Variants in SARAF observed in about 807,000 individuals in gnomAD.
SARAF encodes the protein store-operated calcium entry-associated regulatory factor.
Under a neutral mutation model 39.7 loss-of-function variants are expected in SARAF, and 23 were observed. The ratio of observed to expected loss-of-function variants is 0.58; its 90% CI spans 0.42 to 0.82. The LOEUF (loss-of-function observed/expected upper bound fraction) is 0.82, where lower values mean the gene tolerates loss of function less well. Ranked by LOEUF, SARAF falls within the 40% of genes least tolerant of loss-of-function variation. The pLI is 0.00. For synonymous variants in SARAF, 175 were observed against 168.5 expected, an observed-to-expected ratio of 1.04 and a Z score of -0.30; for missense variants, 384 against 418.5, an observed-to-expected ratio of 0.92 and a Z score of 0.72.
intron 1 of SARAF, 92 bp from the exon 2 acceptor site, chr8:30,074,147 C>G (rs779125917): frequency 8.6e-5 from 118 of 1,375,022 alleles, no homozygotes; most frequent in Admixed American, 1.8e-4. Flanking sequence ...ATAGGAAATG[C>G]CTTTCTTGCC....
chr8:30,066,667 G>T, intron 4 of SARAF, 110 bp downstream of exon 4: 1 of 1,342,142 alleles, frequency 7.5e-7, no homozygotes. Context: ...TATTTAATAG[G>T]CTAACGTCAC....
At chr8:30,080,113 T>A (rs531640058) in intron 1 of SARAF, among the ~76,000 whole-genome samples, 8 of 152,306 alleles carry the variant, frequency 5.3e-5, no homozygotes, top group Admixed American at 1.3e-4. Context: ...CTACATCTGA[T>A]CCTTCAGAAG....
Position 30,071,533 on chromosome 8 carries a change from T to C in SARAF, c.283-1474A>G, listed in dbSNP as rs534636704. Among the ~76,000 whole-genome samples, 6 of 152,376 alleles carry C rather than the reference T, an allele frequency of 3.9e-5. No homozygotes were observed. The East Asian group carries it at 9.6e-4, about 24-fold the overall frequency. On this transcript the variant is annotated intron_variant, in intron 2 of 5. Transcript: ENST00000256255. Reference sequence around the variant, plus strand: ...TTCACCCATTTCAATGGTTTTAGTATATTCACAGTTGTGCTACTGTCACCA... The same window carrying C: ...TTCACCCATTTCAATGGTTTTAGTACATTCACAGTTGTGCTACTGTCACCA...
At chr8:30,068,529 T>C (rs1025977166) in intron 3 of SARAF, among the ~76,000 whole-genome samples, 1 of 152,176 alleles carries the variant, frequency 6.6e-6, no homozygotes, top group Non-Finnish European at 1.5e-5. Flanking sequence ...ATAAATGTAA[T>C]ATGCTTTAAT....
chr8:30,064,122 A>T (rs1471792330), intron 5 of SARAF, among the ~76,000 whole-genome samples: 1 of 152,144 alleles, frequency 6.6e-6, no homozygotes, highest in African/African-American at 2.4e-5. Flanking sequence ...ACACTCACAC[A>T]TGGTTGCTGG....
At chr8:30,074,373 GTTAA>G (rs1355980602) in intron 1 of SARAF, among the ~76,000 whole-genome samples, 1 of 152,144 alleles carries the variant, frequency 6.6e-6, no homozygotes, top group Non-Finnish European at 1.5e-5. Context: ...AATAATAGTG[GTTAA>G]TTAAAATGGC....
intron 1 of SARAF, among the ~76,000 whole-genome samples, chr8:30,082,062 A>G (rs1274013124): frequency 1.3e-5 from 2 of 152,078 alleles, no homozygotes; most frequent in Non-Finnish European, 2.9e-5. Context: ...TCTCATAAAG[A>G]CGCGGTGGCT....
intron 3 of SARAF, among the ~76,000 whole-genome samples, chr8:30,069,341 T>C (rs1801774907): frequency 6.6e-6 from 1 of 152,000 alleles, no homozygotes; most frequent in Non-Finnish European, 1.5e-5. Flanking sequence ...CGTTTTACCA[T>C]CTTGGCCAGG....
Position 30,082,923 on chromosome 8 carries a change from C to A in SARAF, c.27G>T (p.Ala9=), listed in dbSNP as rs1480549745. 2.6e-6 allele frequency: 4 copies of A among 1,549,848 alleles called. No individual in the cohort carries two copies. Among genetic ancestry groups the A allele is most frequent in the African/African-American group, 1.4e-5 (1 of 72,056 alleles). The change falls in exon 1 of 6, where the codon GCG becomes GCT. Residue 9 remains alanine, a synonymous_variant. Transcript: ENST00000256255. The part of the protein sequence containing the change: MAAACGPG[A]AGYCLLLGLH... ...AGCCGAGGAGCAAGCAGTACCCGGC[C>A]GCTCCCGGCCCGCAGGCTGCGGCCA...
At chr8:30,064,548 TATATATATA>T (rs1264297467) in intron 5 of SARAF, among the ~76,000 whole-genome samples, 7 of 47,678 alleles carry the variant, frequency 1.5e-4, no homozygotes, top group East Asian at 5.1e-4. Context: ...TATATATATA[TATATATATA>T]TATATTTTTT....
chr8:30,069,354 G>T (rs960157625), intron 3 of SARAF, among the ~76,000 whole-genome samples: 11 of 151,872 alleles, frequency 7.2e-5, no homozygotes, highest in Non-Finnish European at 1.5e-4. Flanking sequence ...TGGCCAGGCT[G>T]GTCTCAAACT....
intron 1 of SARAF, among the ~76,000 whole-genome samples, chr8:30,076,344 T>C (rs1221803716): frequency 6.6e-6 from 1 of 152,192 alleles, no homozygotes; most frequent in Non-Finnish European, 1.5e-5. Context: ...CCTTGTCCTC[T>C]GTGGGAGACT....
intron 1 of SARAF, among the ~76,000 whole-genome samples, chr8:30,076,443 T>A (rs1384800873): frequency 6.6e-6 from 1 of 152,182 alleles, no homozygotes; most frequent in African/African-American, 2.4e-5. Context: ...GCAACCTAGG[T>A]CACCCTGTTG....
At chr8:30,067,104 T>C in intron 3 of SARAF, 186 bp from the exon 4 acceptor site, 1 of 635,206 alleles carries the variant, frequency 1.6e-6, no homozygotes, top group South Asian at 2.1e-5. Flanking sequence ...AGGGAGAGCA[T>C]TTCCCATAGA....
rs977543028 is a variant in SARAF at position 30,063,403 on chromosome 8, C to T, written c.*485G>A. 2 of 155,380 alleles carry T rather than the reference C, an allele frequency of 1.3e-5. No homozygotes were observed. The highest frequency in any genetic ancestry group is 2.8e-5 in the Non-Finnish European group (2 of 70,230). The allele number at this position is 155,380 out of a possible 1,614,324, so 9.6% of individuals were successfully genotyped here. On this transcript the variant is annotated 3_prime_UTR_variant, in exon 6 of 6. Transcript: ENST00000256255. ...TCAGAGCTCAAAAGTGATCAGAACT[C>T]ACAAATTAGCATAATTAGTCCAAAG...
chr8:30,064,561 A>ATATATATATATTTTTTTTTT (rs1423689069), intron 5 of SARAF, among the ~76,000 whole-genome samples: 2 of 46,236 alleles, frequency 4.3e-5, no homozygotes, highest in East Asian at 1.0e-3. Flanking sequence ...ATATATATAT[A>ATATATATATATTTTTTTTTT]TTTTTTTTTT....
At chr8:30,069,205 T>TCTCGGCTCACCGCAAC (rs763148011) in intron 3 of SARAF, among the ~76,000 whole-genome samples, 2 of 129,320 alleles carry the variant, frequency 1.5e-5, no homozygotes, top group Non-Finnish European at 3.1e-5. Flanking sequence ...AGTGGCGCAA[T>TCTCGGCTCACCGCAAC]CTCGGCTCAC....
chr8:30,075,300 CAA>C (rs10717825), intron 1 of SARAF, among the ~76,000 whole-genome samples: 1,647 of 130,728 alleles, frequency 0.013, 7 homozygotes, highest in Middle Eastern at 0.028. Context: ...AACTCCATCT[CAA>C]AAAAAAAAAA....
intron 1 of SARAF, among the ~76,000 whole-genome samples, chr8:30,081,133 G>A (rs769150756): frequency 6.6e-6 from 1 of 152,014 alleles, no homozygotes; most frequent in African/African-American, 2.4e-5. Flanking sequence ...GAGTGAAACT[G>A]TCTCAAAAAA....
Sources: gnomAD v4.1 joint callset for allele counts (sites outside exome capture counted in the v4.1 genomes callset) on GRCh38, gnomAD v4.1.1 for gene constraint, MANE v1.5 for transcripts, NCBI Gene and HGNC (gene_info 2026-07-23, HGNC 2026-07-21) for gene names.